Variants in PON2 observed in about 807,000 individuals in gnomAD.
PON2 encodes serum paraoxonase/arylesterase 2.
In PON2, 27 loss-of-function variants were observed where a neutral mutation model predicts 36.6. That is an observed-to-expected ratio of 0.74 (90% CI 0.54 to 1.02). The LOEUF is 1.02. Ranked by LOEUF, PON2 falls within the 50% of genes least tolerant of loss-of-function variation. PON2 has a pLI of 0.00. For synonymous variants in PON2, 149 were observed against 156.3 expected, an observed-to-expected ratio of 0.95 and a Z score of 0.35; for missense variants, 363 against 421.1, an observed-to-expected ratio of 0.86 and a Z score of 1.21.
intron 5 of PON2, 41 bp from the exon 6 acceptor site, chr7:95,410,142 T>G: frequency 6.5e-5 from 95 of 1,456,836 alleles, no homozygotes; most frequent in Non-Finnish European, 7.8e-5. Context: ...ACAAAAGGCC[T>G]GTTGGTCTCC....
At chr7:95,420,152 G>A (rs1789160177) in intron 2 of PON2, among the ~76,000 whole-genome samples, 1 of 151,554 alleles carries the variant, frequency 6.6e-6, no homozygotes, top group South Asian at 2.1e-4. Flanking sequence ...TTTTTGTTTT[G>A]TTTTGTTTTC....
intron 1 of PON2, among the ~76,000 whole-genome samples, chr7:95,432,409 A>G (rs1789463814): frequency 6.6e-6 from 1 of 152,242 alleles, no homozygotes; most frequent in Admixed American, 6.5e-5. Context: ...ACCTTGTGTC[A>G]AAATAAAAAA....
intron 1 of PON2, among the ~76,000 whole-genome samples, chr7:95,430,273 T>G (rs1789406209): frequency 1.3e-5 from 2 of 151,630 alleles, no homozygotes; most frequent in Non-Finnish European, 2.9e-5. Flanking sequence ...GAGATCAGCC[T>G]GGGCAACACA....
intron 3 of PON2, 102 bp downstream of exon 3, chr7:95,416,140 A>G: frequency 6.4e-7 from 1 of 1,573,736 alleles, no homozygotes. Context: ...TTCAGAATGC[A>G]TTTTGGAAAA....
At chr7:95,417,716 C>CACACACACACAG (rs772303220) in intron 2 of PON2, among the ~76,000 whole-genome samples, 2,536 of 148,802 alleles carry the variant, frequency 0.017, 41 homozygotes, top group African/African-American at 0.027. Flanking sequence ...CACACACACA[C>CACACACACACAG]ACACACACAC....
chr7:95,434,825 G>T, intron 1 of PON2, 53 bp downstream of exon 1: 1 of 1,518,698 alleles, frequency 6.6e-7, no homozygotes, highest in Non-Finnish European at 8.8e-7. Flanking sequence ...GCACCACGCG[G>T]CCACCCCGAG....
chr7:95,412,702 CAG>C, intron 3 of PON2: 1 of 546,828 alleles, frequency 1.8e-6, no homozygotes, highest in Non-Finnish European at 3.2e-6. Flanking sequence ...TTATTCTCTT[CAG>C]AGAGTAATCA....
At chr7:95,421,886 A>C (rs143843996) in intron 2 of PON2, among the ~76,000 whole-genome samples, 3 of 152,320 alleles carry the variant, frequency 2.0e-5, no homozygotes, top group African/African-American at 7.2e-5. Flanking sequence ...CTGATGGTTT[A>C]TTTTTACTAA....
At chr7:95,416,170 A>C in intron 3 of PON2, 72 bp downstream of exon 3, 1 of 1,608,652 alleles carries the variant, frequency 6.2e-7, no homozygotes, top group Non-Finnish European at 8.5e-7. Flanking sequence ...AAAGCAACTT[A>C]CTGTTCTGCA....
intron 2 of PON2, chr7:95,418,518 C>T (rs7803148): frequency 0.31 from 46,763 of 152,068 alleles, 8,564 homozygotes; most frequent in Middle Eastern, 0.45. Context: ...TGGTCAATTC[C>T]ATATGTTGTC....
chr7:95,412,812 G>C (rs532776795), intron 3 of PON2: 3 of 371,130 alleles, frequency 8.1e-6, no homozygotes, highest in South Asian at 7.0e-5. Flanking sequence ...CTAGATCCCA[G>C]TGCCTGGAAC....
At chr7:95,421,744 A>T (rs1205517625) in intron 2 of PON2, among the ~76,000 whole-genome samples, 1 of 152,190 alleles carries the variant, frequency 6.6e-6, no homozygotes, top group Non-Finnish European at 1.5e-5. Flanking sequence ...AAAAAGGAGA[A>T]AGAACACATA....
intron 1 of PON2, 72 bp downstream of exon 1, chr7:95,434,789 TCCCTCCCCCAGCCTGCG>T: frequency 7.1e-7 from 1 of 1,417,934 alleles, no homozygotes; most frequent in Non-Finnish European, 9.5e-7. Flanking sequence ...CCCGCAGGAA[TCCCTCCCCCAGCCTGCG>T]CCCTCCCCGC....
rs1364002764 is a variant in PON2, at chr7:95,434,946, C to T, written c.6G>A (p.Gly2=). Residue 2 remains glycine (G), a synonymous_variant, in exon 1 of 9, where the codon GGG becomes GGA. Coordinates refer to ENST00000222572, the MANE Select transcript of PON2 (RefSeq NM_000305.3). ...CCAGCAAGCCCACAGCCACCAGCCG[C>T]CCCATGGCGCGGGAGCCGGGCGCGC... M[G]RLVAVGLLGI... is the part of the protein sequence containing the mutation. 2 of 1,528,204 alleles carry T rather than the reference C, an allele frequency of 1.3e-6. No individual in the cohort carries two copies. Among genetic ancestry groups the T allele is most frequent in the Admixed American group, 4.0e-5 (2 of 50,036 alleles). The allele number at this position is 1,528,204 out of a possible 1,614,324, so 94.7% of individuals were successfully genotyped here. A position where few individuals can be genotyped will look rare whatever the true frequency, so the allele number is the denominator to read the frequency against.
chr7:95,423,866 C>A (rs1409027664), intron 2 of PON2, among the ~76,000 whole-genome samples: 2 of 152,096 alleles, frequency 1.3e-5, no homozygotes, highest in African/African-American at 4.8e-5. Flanking sequence ...CCCTTCTTCA[C>A]ATGGCGGCAG....
intron 6 of PON2, among the ~76,000 whole-genome samples, chr7:95,408,085 T>C (rs958003711): frequency 6.6e-6 from 1 of 152,214 alleles, no homozygotes; most frequent in Non-Finnish European, 1.5e-5. Flanking sequence ...TGATAAGCAA[T>C]TGGATTCCAC....
chr7:95,419,384 C>T (rs1485616659), intron 2 of PON2, among the ~76,000 whole-genome samples: 1 of 152,122 alleles, frequency 6.6e-6, no homozygotes, highest in African/African-American at 2.4e-5. Flanking sequence ...TTTCCAGGCA[C>T]AAGGAACAGC....
intron 5 of PON2, among the ~76,000 whole-genome samples, chr7:95,411,420 C>A (rs1226402696): frequency 6.6e-6 from 1 of 151,964 alleles, no homozygotes; most frequent in Non-Finnish European, 1.5e-5. Context: ...CAAAGGAGTC[C>A]GCATAGAACA....
chr7:95,429,282 T>C (rs752627187), intron 1 of PON2, among the ~76,000 whole-genome samples: 5 of 150,228 alleles, frequency 3.3e-5, no homozygotes, highest in Non-Finnish European at 5.9e-5. Flanking sequence ...GAACATGTGG[T>C]GTTTGGTTTT....
Sources: allele counts gnomAD v4.1 joint callset (sites outside exome capture counted in the v4.1 genomes callset), GRCh38; gene constraint gnomAD v4.1.1; transcripts MANE v1.5; gene names NCBI Gene and HGNC (gene_info 2026-07-23, HGNC 2026-07-21).